USP34: variants seen among roughly 807,000 people sequenced by gnomAD.
USP34 encodes ubiquitin carboxyl-terminal hydrolase 34.
USP34 carries 70 observed loss-of-function variants against 460.3 expected under a neutral mutation model. The ratio of observed to expected loss-of-function variants is 0.15; its 90% CI spans 0.13 to 0.19. The LOEUF is 0.19. Among genes scored for constraint, USP34 ranks in the 10% least tolerant of loss-of-function variants. USP34 has a pLI of 1.00. For synonymous variants in USP34, 1,647 were observed against 1,405.3 expected (o/e 1.17, Z -3.85); for missense variants, 3,985 against 4,236.2 (o/e 0.94, Z 1.65).
intron 8 of USP34, among the ~76,000 whole-genome samples, chr2:61,376,302 C>T (rs1317449038): frequency 6.6e-6 from 1 of 151,932 alleles, no homozygotes; most frequent in African/African-American, 2.4e-5. Context: ...TTTTCTCACA[C>T]TGTACACATA....
At chr2:61,350,877 C>T (rs914684811) in intron 10 of USP34, among the ~76,000 whole-genome samples, 184 bp from the exon 11 acceptor site, 3 of 152,112 alleles carry the variant, frequency 2.0e-5, no homozygotes, top group Non-Finnish European at 4.4e-5. Context: ...AACAAATTCA[C>T]CTAAACAGAA....
rs1304627069 is a variant in USP34 at position 61,292,016 on chromosome 2, A to G, written c.4548+1448T>C. On this transcript the variant is annotated intron_variant, in intron 33 of 79. Coordinates refer to ENST00000398571, the MANE Select transcript of USP34 (RefSeq NM_014709.4). The stretch of plus-strand genomic sequence containing the variant: ...GGAAATGTCCAGAATGGGCAAATCC[A>G]CAGAAACAGAAAGGAGACTATAATG... Among the ~76,000 whole-genome samples the G allele has an allele frequency of 2.6e-5, 4 of 152,320 alleles. No individual in the cohort carries two copies. In the East Asian group the frequency reaches 5.8e-4, roughly 22 times the overall value.
At chr2:61,433,850 C>G (rs1694742551) in intron 1 of USP34, among the ~76,000 whole-genome samples, 1 of 152,154 alleles carries the variant, frequency 6.6e-6, no homozygotes, top group Admixed American at 6.6e-5. Context: ...CTCTGGGGGC[C>G]AGTAGCCACT....
At chr2:61,203,688 A>T (rs1036740946) in intron 74 of USP34, among the ~76,000 whole-genome samples, 1 of 152,166 alleles carries the variant, frequency 6.6e-6, no homozygotes, top group South Asian at 2.1e-4. Context: ...GAGAGTGTGA[A>T]TGAAGTGTGG....
Position 61,223,012 on chromosome 2 carries a change from C to T in USP34, c.7749+48G>A, listed in dbSNP as rs773082567. 6 of 1,515,282 alleles carry T rather than the reference C, an allele frequency of 4.0e-6. No individual in the cohort carries two copies. The African/African-American group carries it at 5.5e-5, about 14-fold the overall frequency. The allele number at this position is 1,515,282 out of a possible 1,614,324, so 93.9% of individuals were successfully genotyped here. ...GCACTCGGCCAGATTTCAGGGTATT[C>T]TTTTTTAAAATTTCCAAAAATCTTT... On this transcript the variant is annotated intron_variant, in intron 64 of 79. Coordinates refer to ENST00000398571, the MANE Select transcript of USP34 (RefSeq NM_014709.4).
intron 1 of USP34, among the ~76,000 whole-genome samples, chr2:61,432,016 A>G (rs974354660): frequency 4.6e-5 from 7 of 152,160 alleles, no homozygotes; most frequent in Non-Finnish European, 7.3e-5. Flanking sequence ...ATAAATATGT[A>G]TAAGAATTAC....
chr2:61,431,571 G>C (rs1280962021), intron 1 of USP34, among the ~76,000 whole-genome samples: 2 of 152,142 alleles, frequency 1.3e-5, no homozygotes, highest in African/African-American at 4.8e-5. Flanking sequence ...GCTAGCAGAG[G>C]CTGGCCGGGC....
chr2:61,203,340 TTAAC>T (rs1381289922), intron 74 of USP34, 77 bp from the exon 75 acceptor site: 9 of 1,307,682 alleles, frequency 6.9e-6, no homozygotes, highest in Non-Finnish European at 8.9e-6. Context: ...TGTAATAAGT[TTAAC>T]TAAAAAGCTG....
In USP34 at chr2:61,325,471, G is replaced by A; in HGVS notation, c.2931-14C>T. 6.8e-7 allele frequency: 1 copy of A among 1,477,486 alleles called. No homozygotes were observed. Among genetic ancestry groups the A allele is most frequent in the Non-Finnish European group, 9.0e-7 (1 of 1,111,138 alleles). 91.5% of individuals were successfully genotyped at this position (1,477,486 alleles called of 1,614,324 possible). On this transcript the variant is annotated splice_polypyrimidine_tract_variant and intron_variant, in intron 20 of 79. Coordinates refer to ENST00000398571, the MANE Select transcript of USP34 (RefSeq NM_014709.4). ...CTATGGCTGTACCTATAATTTAAAA[G>A]TCATTAAAATAATTAAATATCCTAT... is the stretch of plus-strand genomic sequence containing the variant.
chr2:61,223,182 T>A lies in USP34; in HGVS notation c.7645-18A>T. 1 of 1,613,262 alleles carries A rather than the reference T, an allele frequency of 6.2e-7. No individual in the cohort carries two copies. Among genetic ancestry groups the A allele is most frequent in the Non-Finnish European group, 8.5e-7 (1 of 1,179,492 alleles). On this transcript the variant is annotated intron_variant, in intron 63 of 79. Transcript: ENST00000398571. ...GGAAATCCCTGTCAAAAGCAAAAGTTGTTCATTTAAGAACCGTTATTATTT... is the reference window on the plus strand; with the variant it reads ...GGAAATCCCTGTCAAAAGCAAAAGTAGTTCATTTAAGAACCGTTATTATTT...
chr2:61,410,090 C>T (rs1389162053), intron 2 of USP34, among the ~76,000 whole-genome samples: 2 of 152,040 alleles, frequency 1.3e-5, no homozygotes, highest in African/African-American at 4.8e-5. Context: ...ACAATTTCTC[C>T]AAGGACCCAG....
chr2:61,409,651 T>G (rs974306672), intron 2 of USP34, among the ~76,000 whole-genome samples: 1 of 151,828 alleles, frequency 6.6e-6, no homozygotes, highest in Non-Finnish European at 1.5e-5. Flanking sequence ...GAAGCAGAGG[T>G]TGCAGTGAGC....
At chr2:61,421,243 C>T (rs1174228023) in intron 1 of USP34, among the ~76,000 whole-genome samples, 1 of 152,180 alleles carries the variant, frequency 6.6e-6, no homozygotes, top group African/African-American at 2.4e-5. Context: ...TATCTGAAAG[C>T]AGCAGCACTG....
chr2:61,192,895 C>G lies in USP34; in HGVS notation c.9588+6G>C, dbSNP rs1388637873. 1 of 1,611,642 alleles carries G rather than the reference C, an allele frequency of 6.2e-7. No homozygotes were observed. Among genetic ancestry groups the G allele is most frequent in the Non-Finnish European group, 8.5e-7 (1 of 1,178,746 alleles). Reference sequence around the variant, plus strand: ...AGACCAATCATCTAAAACTCATTTTCTTTACCTGAGTCTGGCATAGCTCAG... The same window carrying G: ...AGACCAATCATCTAAAACTCATTTTGTTTACCTGAGTCTGGCATAGCTCAG... On this transcript the variant is annotated splice_donor_region_variant and intron_variant, in intron 76 of 79. Coordinates refer to ENST00000398571, the MANE Select transcript of USP34 (RefSeq NM_014709.4).
chr2:61,445,534 CAA>C (rs35610519), intron 1 of USP34, among the ~76,000 whole-genome samples: 114 of 107,806 alleles, frequency 1.1e-3, no homozygotes, highest in South Asian at 5.8e-3. Flanking sequence ...GACTCCGTCT[CAA>C]AAAAAAAAAA....
At chr2:61,226,438 T>TACACATACACACAC (rs1490491410) in intron 62 of USP34, among the ~76,000 whole-genome samples, 1 of 152,106 alleles carries the variant, frequency 6.6e-6, no homozygotes, top group African/African-American at 2.4e-5. Flanking sequence ...TGGTTGTACA[T>TACACATACACACAC]ACACATACAC....
chr2:61,222,498 G>C, intron 65 of USP34, 121 bp downstream of exon 65: 1 of 692,992 alleles, frequency 1.4e-6, no homozygotes, highest in Non-Finnish European at 2.4e-6. Context: ...CTTAAAAATA[G>C]GTTATTATGT....
chr2:61,434,697 C>A (rs1694764908), intron 1 of USP34, among the ~76,000 whole-genome samples: 1 of 151,990 alleles, frequency 6.6e-6, no homozygotes, highest in Admixed American at 6.6e-5. Flanking sequence ...AAGGCCAACA[C>A]ACTCCACTGA....
In USP34 at chr2:61,188,066, G is replaced by A. The variant is rs1481289519; in HGVS notation, c.*36C>T. ...TATACAAACAGCATGGGGGTTGGGG[G>A]TGAGGGACTTAAAAGTAGACATGCT... On this transcript the variant is annotated 3_prime_UTR_variant, in exon 80 of 80. Transcript: ENST00000398571. The A allele has an allele frequency of 3.8e-6, 6 of 1,582,674 alleles. No individual in the cohort carries two copies. Among genetic ancestry groups the A allele is most frequent in the Non-Finnish European group, 5.2e-6 (6 of 1,164,448 alleles).
Sources: gnomAD v4.1 joint callset for allele counts (sites outside exome capture counted in the v4.1 genomes callset) on GRCh38, gnomAD v4.1.1 for gene constraint, MANE v1.5 for transcripts, NCBI Gene and HGNC (gene_info 2026-07-23, HGNC 2026-07-21) for gene names.